ESRRG: variants seen among roughly 807,000 people sequenced by gnomAD.
ESRRG encodes estrogen-related receptor gamma.
In ESRRG, 13 loss-of-function variants were observed where a neutral mutation model predicts 44.0. The ratio of observed to expected loss-of-function variants is 0.30; its 90% CI spans 0.19 to 0.47. The LOEUF (loss-of-function observed/expected upper bound fraction) is 0.47, where lower values mean the gene tolerates loss of function less well. ESRRG is among the 20% of genes least tolerant of loss of function. The pLI is 1.00. For missense variants in ESRRG, 395 were observed against 580.6 expected, an observed-to-expected ratio of 0.68 and a Z score of 3.29; for synonymous variants, 215 against 214.6, an observed-to-expected ratio of 1.00 and a Z score of -0.02.
At position 217,054,424 on chromosome 1, in the gene ESRRG, G is replaced by A. The variant is rs557484953; in HGVS notation, c.-106+35083C>T. Among the ~76,000 whole-genome samples, 69 of 152,238 alleles carry A rather than the reference G, an allele frequency of 4.5e-4. 1 individual carries two copies. The South Asian group carries it at 8.7e-3, about 19-fold the overall frequency. On this transcript the variant is annotated intron_variant, in intron 1 of 7. Transcript: ENST00000359162. ...TCAGAAACGTCTTGGAAATGTCCAC[G>A]TGAGGTTTGGTATAGGGATCATTTT... is the stretch of plus-strand genomic sequence containing the variant.
chr1:216,614,591 A>G (rs1296076484), intron 3 of ESRRG, among the ~76,000 whole-genome samples: 1 of 152,202 alleles, frequency 6.6e-6, no homozygotes, highest in African/African-American at 2.4e-5. Context: ...ATTTGTTTTA[A>G]ATGGCTTTAT....
At chr1:217,064,434 G>A (rs1010473119) in intron 1 of ESRRG, among the ~76,000 whole-genome samples, 3 of 152,054 alleles carry the variant, frequency 2.0e-5, no homozygotes, top group Non-Finnish European at 4.4e-5. Flanking sequence ...TAAGTAACTT[G>A]ATCCACAGTC....
At chr1:216,544,818 A>G (rs897935924) in intron 5 of ESRRG, among the ~76,000 whole-genome samples, 1 of 152,000 alleles carries the variant, frequency 6.6e-6, no homozygotes, top group Non-Finnish European at 1.5e-5. Context: ...AATATGTCCT[A>G]GATGGAGAGA....
In ESRRG at chr1:216,903,676, G is replaced by GA. The variant is rs556336168; in HGVS notation, c.-14+35905dup. ...GAGAAATACTCAGAGATGCAGAAGA[G>GA]AAAAAAAAAACACTCTGAAGAGTAA... On this transcript the variant is annotated intron_variant, in intron 2 of 7. Transcript: ENST00000359162. 7.9e-4 allele frequency among the ~76,000 whole-genome samples: 116 copies of GA among 147,380 alleles called. 1 individual carries two copies. The Middle Eastern group carries it at 0.014, about 18-fold the overall frequency.
rs549804644 is a variant in ESRRG at position 217,135,682 on chromosome 1, G to C, written c.-230+1985C>G. ...CTTTGCCACTACCAGAGGGTGTTTC[G>C]GGGCTCCCCACGGTCTTCTCCCTGG... On this transcript the variant is annotated intron_variant, in intron 1 of 8. Transcript: ENST00000366940. Among the ~76,000 whole-genome samples the C allele has an allele frequency of 3.9e-5, 6 of 152,282 alleles. 1 individual carries two copies. The South Asian group carries it at 1.0e-3, about 26-fold the overall frequency.
At chr1:216,719,535 A>G (rs1434783155) in intron 1 of ESRRG, among the ~76,000 whole-genome samples, 1 of 152,066 alleles carries the variant, frequency 6.6e-6, no homozygotes, top group Non-Finnish European at 1.5e-5. Context: ...TTTTCACTTT[A>G]AAAAGAACAA....
chr1:216,938,485 T>G (rs1202619660), intron 2 of ESRRG, among the ~76,000 whole-genome samples: 4 of 152,286 alleles, frequency 2.6e-5, no homozygotes, highest in Middle Eastern at 3.4e-3. Flanking sequence ...TCCAATGGAC[T>G]TCAAACATGA....
At chr1:217,018,776 C>T (rs1051776089) in intron 1 of ESRRG, among the ~76,000 whole-genome samples, 1 of 152,110 alleles carries the variant, frequency 6.6e-6, no homozygotes, top group Non-Finnish European at 1.5e-5. Flanking sequence ...TGAAGTCCAC[C>T]CTGTCCTTTC....
intron 2 of ESRRG, among the ~76,000 whole-genome samples, chr1:216,731,340 G>C (rs1225629076): frequency 6.6e-6 from 1 of 152,214 alleles, no homozygotes; most frequent in Non-Finnish European, 1.5e-5. Context: ...CTTTCAGTGG[G>C]AAGGTGGATT....
intron 3 of ESRRG, among the ~76,000 whole-genome samples, chr1:216,594,627 A>C (rs1336165306): frequency 6.6e-6 from 1 of 152,212 alleles, no homozygotes; most frequent in Admixed American, 6.5e-5. Context: ...AGTGAAAAAA[A>C]TGGTTTGAGT....
chr1:217,131,844 T>A (rs2092970908), intron 1 of ESRRG, among the ~76,000 whole-genome samples: 1 of 152,346 alleles, frequency 6.6e-6, no homozygotes, highest in Non-Finnish European at 1.5e-5. Context: ...GTTCTCTGGG[T>A]TCTCCCTAAT....
At chr1:216,754,131 A>G (rs1314137495) in intron 2 of ESRRG, among the ~76,000 whole-genome samples, 1 of 152,030 alleles carries the variant, frequency 6.6e-6, no homozygotes, top group East Asian at 1.9e-4. Flanking sequence ...TAGACATTTT[A>G]AAAGAGATGG....
chr1:216,826,480 G>A (rs1436991126), intron 2 of ESRRG, among the ~76,000 whole-genome samples: 1 of 152,160 alleles, frequency 6.6e-6, no homozygotes, highest in Non-Finnish European at 1.5e-5. Flanking sequence ...GTGATAAGCA[G>A]AGGTTACTGA....
Position 217,010,007 on chromosome 1 carries a change from G to A in ESRRG, c.-105-70334C>T, listed in dbSNP as rs761812551. 5.9e-5 allele frequency among the ~76,000 whole-genome samples: 9 copies of A among 151,968 alleles called. 1 individual carries two copies. In the South Asian group the frequency reaches 6.2e-4, roughly 10 times the overall value. On this transcript the variant is annotated intron_variant, in intron 1 of 7. Transcript: ENST00000359162. ...GTGTGAGCCACCGCGCCCGGCCTGA[G>A]TATAGTTTTCAAATTTTAAATTGCT...
intron 2 of ESRRG, among the ~76,000 whole-genome samples, chr1:216,667,861 C>G (rs563259538): frequency 6.6e-6 from 1 of 151,828 alleles, no homozygotes; most frequent in Non-Finnish European, 1.5e-5. Context: ...TTTGTAAGGC[C>G]AAGGCAGGTG....
intron 2 of ESRRG, among the ~76,000 whole-genome samples, chr1:216,657,225 T>A (rs904260570): frequency 6.6e-6 from 1 of 152,222 alleles, no homozygotes; most frequent in African/African-American, 2.4e-5. Context: ...TATGGAATAG[T>A]AATTTATTCT....
At chr1:216,603,126 C>T (rs527417201) in intron 3 of ESRRG, among the ~76,000 whole-genome samples, 1 of 152,204 alleles carries the variant, frequency 6.6e-6, no homozygotes, top group African/African-American at 2.4e-5. Context: ...TTTGATATTA[C>T]AAAAAATCCC....
At chr1:216,872,996 C>T (rs1346213168) in intron 2 of ESRRG, among the ~76,000 whole-genome samples, 1 of 152,140 alleles carries the variant, frequency 6.6e-6, no homozygotes, top group South Asian at 2.1e-4. Context: ...CAAGTTCCAA[C>T]TGACCTTCTC....
rs755327091 is a variant in ESRRG, at chr1:216,841,665, G to A, written c.-14+97917C>T. 1.1e-3 allele frequency among the ~76,000 whole-genome samples: 161 copies of A among 152,124 alleles called. 3 individuals are homozygous for A. Among genetic ancestry groups the A allele is most frequent in the Admixed American group, 0.01 (158 of 15,264 alleles). ...GCTTATGGCAGGTTTACTTTATCACGCCAGCACCTCTTAACCTCCCCTTCA... is the reference window on the plus strand; with the variant it reads ...GCTTATGGCAGGTTTACTTTATCACACCAGCACCTCTTAACCTCCCCTTCA... On this transcript the variant is annotated intron_variant, in intron 2 of 7. Coordinates refer to the ESRRG transcript ENST00000359162.
Sources: gnomAD v4.1 joint callset for allele counts (sites outside exome capture counted in the v4.1 genomes callset) on GRCh38, gnomAD v4.1.1 for gene constraint, MANE v1.5 for transcripts, NCBI Gene and HGNC (gene_info 2026-07-23, HGNC 2026-07-21) for gene names.